Variants in SEMA6D observed in about 807,000 individuals in gnomAD.
SEMA6D encodes semaphorin 6D.
SEMA6D carries 35 observed loss-of-function variants against 106.6 expected under a neutral mutation model. That is an observed-to-expected ratio of 0.33 (90% CI 0.25 to 0.44). The LOEUF (loss-of-function observed/expected upper bound fraction) is 0.44, where lower values mean the gene tolerates loss of function less well. Among genes scored for constraint, SEMA6D ranks in the 20% least tolerant of loss-of-function variants. The pLI is 1.00. For synonymous variants in SEMA6D, 499 were observed against 487.7 expected, an observed-to-expected ratio of 1.02 and a Z score of -0.31; for missense variants, 1,185 against 1,345.9, an observed-to-expected ratio of 0.88 and a Z score of 1.87.
chr15:47,510,992 T>C (rs1176385202), intron 3 of SEMA6D, among the ~76,000 whole-genome samples: 1 of 152,222 alleles, frequency 6.6e-6, no homozygotes, highest in Non-Finnish European at 1.5e-5. Flanking sequence ...ACCTAATTTA[T>C]GAGATGAAAA....
intron 3 of SEMA6D, among the ~76,000 whole-genome samples, chr15:47,571,901 TGATTTTTTCTTC>T (rs2046395679): frequency 6.6e-6 from 1 of 152,198 alleles, no homozygotes; most frequent in African/African-American, 2.4e-5. Flanking sequence ...AACAAAGAGA[TGATTTTTTCTTC>T]TGGCAAAAAG....
chr15:47,184,881 T>TA (rs1893444703), intron 1 of SEMA6D, among the ~76,000 whole-genome samples: 1 of 152,352 alleles, frequency 6.6e-6, no homozygotes, highest in African/African-American at 2.4e-5. Context: ...CCGCTTTTTT[T>TA]ATTTTCTTTT....
At chr15:47,655,446 A>G (rs1341123050) in intron 4 of SEMA6D, among the ~76,000 whole-genome samples, 1 of 152,258 alleles carries the variant, frequency 6.6e-6, no homozygotes, top group Admixed American at 6.5e-5. Context: ...CAAGAAAATA[A>G]TATGTATATG....
At chr15:47,217,268 G>C (rs1487300308) in intron 1 of SEMA6D, among the ~76,000 whole-genome samples, 1 of 152,262 alleles carries the variant, frequency 6.6e-6, no homozygotes, top group East Asian at 1.9e-4. Context: ...AAGGAAATTG[G>C]CATGATTAAT....
chr15:47,430,650 G>C (rs779798791), intron 2 of SEMA6D, among the ~76,000 whole-genome samples: 4 of 151,962 alleles, frequency 2.6e-5, no homozygotes, highest in Non-Finnish European at 5.9e-5. Context: ...CAAAACGAAA[G>C]AGCATATGTT....
chr15:47,658,175 T>C lies in SEMA6D; in HGVS notation c.-55+57279T>C, dbSNP rs1421048461. Among the ~76,000 whole-genome samples the C allele has an allele frequency of 2.6e-5, 4 of 152,212 alleles. No individual in the cohort carries two copies. In the East Asian group the frequency reaches 7.7e-4, roughly 29 times the overall value. On this transcript the variant is annotated intron_variant, in intron 4 of 19. Transcript: ENST00000558014. Reference sequence around the variant, plus strand: ...CTTTATATATCATGTTATTGACTTATAAAAATAGTAAGATGTTAAATTTTA... The same window carrying C: ...CTTTATATATCATGTTATTGACTTACAAAAATAGTAAGATGTTAAATTTTA...
intron 3 of SEMA6D, among the ~76,000 whole-genome samples, chr15:47,542,555 G>A (rs939284033): frequency 6.6e-6 from 1 of 152,092 alleles, no homozygotes; most frequent in African/African-American, 2.4e-5. Flanking sequence ...ACCTGTTTTG[G>A]CTTAACAACT....
intron 1 of SEMA6D, chr15:47,730,481 A>G: frequency 7.6e-7 from 1 of 1,308,860 alleles, no homozygotes; most frequent in Non-Finnish European, 1.1e-6. Context: ...AATCAGCACC[A>G]GCTGAGCTTT....
intron 3 of SEMA6D, among the ~76,000 whole-genome samples, chr15:47,575,105 G>A (rs913307060): frequency 1.3e-5 from 2 of 152,172 alleles, no homozygotes; most frequent in Non-Finnish European, 2.9e-5. Flanking sequence ...CTGAGCTGAT[G>A]GAAACAAGGG....
chr15:47,565,222 G>A (rs1423670170), intron 3 of SEMA6D, among the ~76,000 whole-genome samples: 5 of 152,198 alleles, frequency 3.3e-5, no homozygotes, highest in African/African-American at 1.2e-4. Flanking sequence ...CACCCCATTA[G>A]AGACTGCTGC....
intron 1 of SEMA6D, among the ~76,000 whole-genome samples, chr15:47,212,747 G>C (rs2030165820): frequency 6.6e-6 from 1 of 152,136 alleles, no homozygotes; most frequent in Admixed American, 6.6e-5. Context: ...TCCGATGAGA[G>C]GAAGGTGACT....
intron 4 of SEMA6D, among the ~76,000 whole-genome samples, chr15:47,682,079 AC>A (rs2078365706): frequency 6.6e-6 from 1 of 152,088 alleles, no homozygotes; most frequent in South Asian, 2.1e-4. Flanking sequence ...ATGTATGTAA[AC>A]CCCTAAAGGG....
chr15:47,724,842 A>G (rs867593693), intron 1 of SEMA6D, among the ~76,000 whole-genome samples: 9 of 152,300 alleles, frequency 5.9e-5, no homozygotes, highest in Middle Eastern at 3.4e-3. Flanking sequence ...TCTTGTGGCA[A>G]TTCACTAGAT....
intron 2 of SEMA6D, among the ~76,000 whole-genome samples, chr15:47,452,496 T>G (rs1387442522): frequency 6.6e-6 from 1 of 152,032 alleles, no homozygotes; most frequent in Non-Finnish European, 1.5e-5. Flanking sequence ...CTTCAAAAAT[T>G]ATAAGACCAC....
intron 3 of SEMA6D, among the ~76,000 whole-genome samples, chr15:47,544,410 G>A (rs1023580549): frequency 1.3e-5 from 2 of 152,006 alleles, no homozygotes; most frequent in Admixed American, 6.6e-5. Context: ...TTATTGGCTC[G>A]AAATTGAATA....
At chr15:47,614,268 G>A (rs938882971) in intron 4 of SEMA6D, among the ~76,000 whole-genome samples, 3 of 152,186 alleles carry the variant, frequency 2.0e-5, no homozygotes, top group African/African-American at 7.2e-5. Context: ...GGATGATCAA[G>A]ATTCGCAGTG....
intron 2 of SEMA6D, among the ~76,000 whole-genome samples, chr15:47,468,064 T>A (rs939517283): frequency 2.0e-5 from 3 of 152,154 alleles, no homozygotes; most frequent in Admixed American, 6.6e-5. Context: ...CCACTGATTG[T>A]CACTTATTGC....
intron 3 of SEMA6D, among the ~76,000 whole-genome samples, chr15:47,528,348 C>T (rs1408438704): frequency 6.6e-6 from 1 of 152,138 alleles, no homozygotes; most frequent in Admixed American, 6.5e-5. Flanking sequence ...CTCCTAAGGG[C>T]TGATTGTCCA....
In SEMA6D at chr15:47,455,290, C is replaced by T. The variant is rs1405840227; in HGVS notation, c.-158-15184C>T. Among the ~76,000 whole-genome samples the T allele has an allele frequency of 2.0e-5, 3 of 151,892 alleles. No individual in the cohort carries two copies. In the East Asian group the frequency reaches 5.8e-4, roughly 30 times the overall value. On this transcript the variant is annotated intron_variant, in intron 2 of 19. Transcript: ENST00000558014. ...CCTATATGTCCCTCTTTCCACAATCCCAGCATTAGAAAATACAAGATTCAA... is the reference window on the plus strand; with the variant it reads ...CCTATATGTCCCTCTTTCCACAATCTCAGCATTAGAAAATACAAGATTCAA...
Sources: allele counts gnomAD v4.1 joint callset (sites outside exome capture counted in the v4.1 genomes callset), GRCh38; gene constraint gnomAD v4.1.1; transcripts MANE v1.5; gene names NCBI Gene and HGNC (gene_info 2026-07-23, HGNC 2026-07-21).